Variants in PCDH15 observed in about 807,000 individuals in gnomAD.
PCDH15 encodes the protein protocadherin related 15.
In PCDH15, 129 loss-of-function variants were observed where a neutral mutation model predicts 178.5. The ratio of observed to expected loss-of-function variants is 0.72; its 90% CI spans 0.63 to 0.84. The LOEUF is 0.84. PCDH15 is among the 40% of genes least tolerant of loss of function. The pLI is 0.00. For missense variants in PCDH15, 2,230 were observed against 2,099.9 expected (o/e 1.06, Z -1.21); for synonymous variants, 800 against 732.0 (o/e 1.09, Z -1.50).
At chr10:54,861,163 T>C (rs1953835344) in intron 3 of PCDH15, among the ~76,000 whole-genome samples, 1 of 152,148 alleles carries the variant, frequency 6.6e-6, no homozygotes, top group South Asian at 2.1e-4. Flanking sequence ...GTCCATCTCC[T>C]GGTCTTCTGG....
chr10:55,231,286 G>T (rs1257811844), intron 1 of PCDH15, among the ~76,000 whole-genome samples: 1 of 151,940 alleles, frequency 6.6e-6, no homozygotes, highest in Non-Finnish European at 1.5e-5. Flanking sequence ...GAGAACTTTT[G>T]TTGAAGGAGA....
At chr10:55,131,835 C>T (rs1838054770) in intron 2 of PCDH15, among the ~76,000 whole-genome samples, 1 of 152,146 alleles carries the variant, frequency 6.6e-6, no homozygotes, top group East Asian at 1.9e-4. Flanking sequence ...CATGGTTGGG[C>T]CCAGAAAAAG....
intron 23 of PCDH15, among the ~76,000 whole-genome samples, chr10:53,942,479 T>C (rs115458062): frequency 6.6e-6 from 1 of 152,310 alleles, no homozygotes; most frequent in African/African-American, 2.4e-5. Context: ...ATACGTCTCA[T>C]GTAAATTCAA....
chr10:54,845,616 T>G (rs1953496157), intron 3 of PCDH15, among the ~76,000 whole-genome samples: 1 of 152,066 alleles, frequency 6.6e-6, no homozygotes, highest in Non-Finnish European at 1.5e-5. Context: ...TATGAAGTCT[T>G]AAGAGAATTG....
chr10:54,602,255 CTTA>C (rs752063409), intron 2 of PCDH15, among the ~76,000 whole-genome samples: 9 of 151,654 alleles, frequency 5.9e-5, no homozygotes, highest in African/African-American at 1.5e-4. Flanking sequence ...AGTATTTATT[CTTA>C]TTATTATATA....
chr10:55,072,620 A>G (rs1159299243), intron 2 of PCDH15, among the ~76,000 whole-genome samples: 1 of 152,156 alleles, frequency 6.6e-6, no homozygotes, highest in Admixed American at 6.5e-5. Flanking sequence ...CTTACCAACC[A>G]AAAAGAGTCC....
intron 18 of PCDH15, among the ~76,000 whole-genome samples, chr10:54,033,273 AG>A (rs1476023239): frequency 4.6e-5 from 7 of 152,016 alleles, no homozygotes; most frequent in African/African-American, 1.7e-4. Flanking sequence ...CTGTCAAAAG[AG>A]GATTTTAAGA....
chr10:54,230,319 A>G (rs920630191), intron 9 of PCDH15, among the ~76,000 whole-genome samples: 2 of 152,192 alleles, frequency 1.3e-5, no homozygotes, highest in African/African-American at 4.8e-5. Flanking sequence ...GTTCAGTTAT[A>G]AGAACCCAGT....
intron 15 of PCDH15, among the ~76,000 whole-genome samples, chr10:54,095,525 A>C (rs1287878208): frequency 6.6e-6 from 1 of 152,132 alleles, no homozygotes. Context: ...TCAAAAATAA[A>C]AGAATGTTGG....
intron 2 of PCDH15, among the ~76,000 whole-genome samples, chr10:54,541,359 T>C (rs1266233512): frequency 6.6e-6 from 1 of 152,188 alleles, no homozygotes; most frequent in South Asian, 2.1e-4. Flanking sequence ...GCATTTAACA[T>C]ACTAAAATCA....
At chr10:55,036,875 A>C (rs371057128) in intron 2 of PCDH15, among the ~76,000 whole-genome samples, 2 of 152,296 alleles carry the variant, frequency 1.3e-5, no homozygotes, top group African/African-American at 4.8e-5. Flanking sequence ...TGTATGAGAG[A>C]AATTAAAAGG....
chr10:54,883,504 T>C (rs1954299802), intron 3 of PCDH15, among the ~76,000 whole-genome samples: 1 of 152,060 alleles, frequency 6.6e-6, no homozygotes, highest in Non-Finnish European at 1.5e-5. Context: ...ATAAATAATA[T>C]CTCCAATTCA....
At chr10:55,523,549 T>G (rs114576549) in intron 2 of PCDH15, among the ~76,000 whole-genome samples, 2 of 151,804 alleles carry the variant, frequency 1.3e-5, no homozygotes, top group African/African-American at 4.8e-5. Context: ...GAATATATAA[T>G]GCATTATAGA....
At chr10:54,559,121 CTCTTT>C (rs770469598) in intron 2 of PCDH15, among the ~76,000 whole-genome samples, 31 of 152,106 alleles carry the variant, frequency 2.0e-4, no homozygotes, top group South Asian at 1.0e-3. Flanking sequence ...CTTTTCTCTT[CTCTTT>C]TCTTTTATCA....
chr10:55,378,794 C>A (rs568320699), intron 2 of PCDH15, among the ~76,000 whole-genome samples: 1 of 151,610 alleles, frequency 6.6e-6, no homozygotes, highest in Admixed American at 6.6e-5. Flanking sequence ...TATATAAATC[C>A]ATCCCCTCTC....
At chr10:55,532,229 G>A (rs187891184) in intron 2 of PCDH15, among the ~76,000 whole-genome samples, 4 of 151,990 alleles carry the variant, frequency 2.6e-5, no homozygotes, top group South Asian at 4.2e-4. Context: ...TTCTCATATC[G>A]GGAAACAGTC....
intron 1 of PCDH15, among the ~76,000 whole-genome samples, chr10:54,752,492 C>CAAAAAAAAAAAAAAAAAAAAAA (rs1227186569): frequency 1.5e-5 from 1 of 67,784 alleles, no homozygotes; most frequent in Non-Finnish European, 3.3e-5. Flanking sequence ...AAAAAAAAAA[C>CAAAAAAAAAAAAAAAAAAAAAA]AAAAAACAAA....
At chr10:54,977,699 G>C (rs923721172) in intron 2 of PCDH15, among the ~76,000 whole-genome samples, 2 of 151,902 alleles carry the variant, frequency 1.3e-5, no homozygotes, top group African/African-American at 4.8e-5. Context: ...CAATAAACTC[G>C]CTTTCACGTT....
At chr10:54,169,237 T>A (rs1463564029) in intron 13 of PCDH15, among the ~76,000 whole-genome samples, 1 of 69,516 alleles carries the variant, frequency 1.4e-5, no homozygotes, top group South Asian at 3.5e-4. Context: ...TGACACTGCT[T>A]GATCGCCTCG....
Sources: gnomAD v4.1 joint callset for allele counts (sites outside exome capture counted in the v4.1 genomes callset) on GRCh38, gnomAD v4.1.1 for gene constraint, MANE v1.5 for transcripts, NCBI Gene and HGNC (gene_info 2026-07-23, HGNC 2026-07-21) for gene names.